PAPLN: variants seen among roughly 807,000 people sequenced by gnomAD.
PAPLN encodes papilin.
In PAPLN, 146 loss-of-function variants were observed where a neutral mutation model predicts 159.0. That is an observed-to-expected ratio of 0.92 (90% CI 0.80 to 1.05). The LOEUF (loss-of-function observed/expected upper bound fraction) is 1.05. Among genes scored for constraint, PAPLN ranks in the 50% least tolerant of loss-of-function variants. The probability of loss-of-function intolerance (pLI) is 0.00; values close to 1 mark genes in which losing one functional copy is unlikely to be tolerated. For missense variants in PAPLN, 1,720 were observed against 1,743.9 expected (o/e 0.99, Z 0.24); for synonymous variants, 734 against 702.9 (o/e 1.04, Z -0.70).
rs768233262 is a variant in PAPLN, at chr14:73,262,487, G to A, written c.2383G>A (p.Ala795Thr). 2 of 1,599,492 alleles carry A rather than the reference G, an allele frequency of 1.3e-6. No homozygotes were observed. Among genetic ancestry groups the A allele is most frequent in the Admixed American group, 3.5e-5 (2 of 57,242 alleles). The change falls in exon 19 of 27, where the codon GCC becomes ACC. Residue 795 changes from alanine to threonine, a missense_variant. Coordinates refer to ENST00000644200, the MANE Select transcript of PAPLN (RefSeq NM_001365906.3). ...CTGCCATGGCAATGCCAATAACTTT[G>A]CCTCGGAGCAAGAGTGCATGAGCAG... ...GGCHGNANNF[A>T]SEQECMSSCQ...
In PAPLN at chr14:73,265,280, A is replaced by G; in HGVS notation, c.3126-90A>G. 11 of 1,515,452 alleles carry G rather than the reference A, an allele frequency of 7.3e-6. No homozygotes were observed. The highest frequency in any genetic ancestry group is 1.4e-5 in the African/African-American group (1 of 72,214). 93.9% of individuals were successfully genotyped at this position (1,515,452 alleles called of 1,614,324 possible). A position where few individuals can be genotyped will look rare whatever the true frequency, so the allele number is the denominator to read the frequency against. ...AGCTGAATCTGGCTGGAGAGGGAGAAGGGGCCACCAGGCTTGTGCAGAGGT... is the reference window on the plus strand; with the variant it reads ...AGCTGAATCTGGCTGGAGAGGGAGAGGGGGCCACCAGGCTTGTGCAGAGGT... On this transcript the variant is annotated intron_variant, in intron 22 of 26. Coordinates refer to ENST00000644200, the MANE Select transcript of PAPLN (RefSeq NM_001365906.3). This position sits in a 1 kb window ranked among gnomAD's most constrained non-coding sequence, Gnocchi z 4.1.
intron 5 of PAPLN, among the ~76,000 whole-genome samples, chr14:73,249,573 C>T (rs772047961): frequency 8.7e-5 from 13 of 149,502 alleles, no homozygotes; most frequent in Non-Finnish European, 1.9e-4. Context: ...ACTAGGGGGG[C>T]TGAGGCAGGA....
At chr14:73,269,522 G>A (rs1174049742) in intron 26 of PAPLN, among the ~76,000 whole-genome samples, 1 of 152,204 alleles carries the variant, frequency 6.6e-6, no homozygotes, top group African/African-American at 2.4e-5. Flanking sequence ...AAACCAACTT[G>A]AGAGATGTGA....
chr14:73,263,196 C>T (rs1886780023), intron 19 of PAPLN: 1 of 309,162 alleles, frequency 3.2e-6, no homozygotes, highest in Non-Finnish European at 5.9e-6. Flanking sequence ...GGTGGCATTA[C>T]CTTCTGCCCT....
chr14:73,244,612 G>A (rs955017390), intron 2 of PAPLN, 32 bp from the exon 3 acceptor site: 8 of 1,521,576 alleles, frequency 5.3e-6, no homozygotes, highest in Non-Finnish European at 6.3e-6. Context: ...CTGTGAGTGG[G>A]CAATGCTGAT....
At chr14:73,264,026 C>T (rs1293277315) in intron 20 of PAPLN, 185 bp from the exon 21 acceptor site, 1 of 1,528,680 alleles carries the variant, frequency 6.5e-7, no homozygotes, top group Non-Finnish European at 8.7e-7. Flanking sequence ...GTGACAGCTC[C>T]CTCCACCTCC....
rs573285020 is a variant in PAPLN at position 73,245,613 on chromosome 14, T to G, written c.171-23T>G. 20 of 1,552,606 alleles carry G rather than the reference T, an allele frequency of 1.3e-5. 1 individual carries two copies. The South Asian group carries it at 2.4e-4, about 18-fold the overall frequency. On this transcript the variant is annotated intron_variant, in intron 3 of 26. Coordinates refer to ENST00000644200, the MANE Select transcript of PAPLN (RefSeq NM_001365906.3). The surrounding 1 kb of genome is among the most constrained non-coding windows in gnomAD (Gnocchi z 4.2). ...AGGGACGTTGGGTCTCGGTCAGGTC[T>G]TCCCGGTGCTCTGGTCCCGCAGGAG...
At chr14:73,261,132 C>T (rs1594816992) in intron 17 of PAPLN, 24 bp from the exon 18 acceptor site, 1 of 1,614,076 alleles carries the variant, frequency 6.2e-7, no homozygotes, top group Non-Finnish European at 8.5e-7. Context: ...CTGCCCACTT[C>T]CCAATCATGG....
intron 23 of PAPLN, among the ~76,000 whole-genome samples, chr14:73,266,227 A>G (rs573453062): frequency 2.1e-4 from 32 of 152,246 alleles, no homozygotes; most frequent in African/African-American, 7.7e-4. Flanking sequence ...AATCCCAGCT[A>G]CTCGGGAGGC....
At chr14:73,259,193 G>A in intron 15 of PAPLN, 76 bp from the exon 16 acceptor site, 6 of 1,523,832 alleles carry the variant, frequency 3.9e-6, no homozygotes, top group Non-Finnish European at 5.3e-6. Flanking sequence ...ACGGAGGAAG[G>A]TGGGTCCAAC....
chr14:73,263,808 C>G (rs766090491), intron 20 of PAPLN, 26 bp downstream of exon 20: 6 of 1,587,914 alleles, frequency 3.8e-6, no homozygotes, highest in South Asian at 2.2e-5. Context: ...CCCACCTCCT[C>G]TGACAGGTGT....
intron 5 of PAPLN, among the ~76,000 whole-genome samples, chr14:73,248,116 T>C (rs1425071033): frequency 1.4e-4 from 17 of 122,194 alleles, no homozygotes; most frequent in South Asian, 2.7e-4. Flanking sequence ...TGCGCGTGTG[T>C]GTGTTGTGGG....
chr14:73,253,878 G>A lies in PAPLN; in HGVS notation c.1219G>A (p.Ala407Thr). The A allele has an allele frequency of 2.5e-6, 4 of 1,613,420 alleles. No individual in the cohort carries two copies. The highest frequency in any genetic ancestry group is 3.4e-6 in the Non-Finnish European group (4 of 1,179,928). Reference sequence around the variant, plus strand: ...GGAGGCCGTGGAGGAGGCTGAGTGTGCCGGGCTGCCTGGGAAGCCCCCTGC... The same window carrying A: ...GGAGGCCGTGGAGGAGGCTGAGTGTACCGGGCTGCCTGGGAAGCCCCCTGC... ...IQEAVEEAEC[A>T]GLPGKPPAIQ... The change falls in exon 12 of 27, where the codon GCC becomes ACC. Residue 407 changes from alanine (A) to threonine (T), a missense_variant. Ala to Thr is a moderately conservative substitution (Grantham distance 58). Transcript: ENST00000644200.
At chr14:73,239,675 C>T in intron 1 of PAPLN, 98 bp from the exon 2 acceptor site, 2 of 1,510,974 alleles carry the variant, frequency 1.3e-6, no homozygotes, top group Non-Finnish European at 1.8e-6. Flanking sequence ...TCCTGGTCAC[C>T]TGTGGGCCAT....
rs758545965 is a variant in PAPLN, at chr14:73,247,520, ATG to A, written c.334+1359_334+1360del. Among the ~76,000 whole-genome samples, 10 of 60,514 alleles carry A rather than the reference ATG, an allele frequency of 1.7e-4. No individual in the cohort carries two copies. The South Asian group carries it at 3.9e-3, about 23-fold the overall frequency. The allele number at this position is 60,514 out of a possible 152,430, so 39.7% of individuals were successfully genotyped here. On this transcript the variant is annotated intron_variant, in intron 5 of 26. Coordinates refer to ENST00000644200, the MANE Select transcript of PAPLN (RefSeq NM_001365906.3). ...CCAGTGGGAGTCTCATATCCTGTGTATGTGTGTGTGTGTGTTGTGGGGATCGT... is the reference window on the plus strand; with the variant it reads ...CCAGTGGGAGTCTCATATCCTGTGTATGTGTGTGTGTGTTGTGGGGATCGT...
At chr14:73,268,070 G>C (rs1373739895) in intron 25 of PAPLN, among the ~76,000 whole-genome samples, 1 of 151,854 alleles carries the variant, frequency 6.6e-6, no homozygotes, top group Non-Finnish European at 1.5e-5. Flanking sequence ...GTGACCTGTA[G>C]TGTCGTTCTG....
At chr14:73,263,890 C>G in intron 20 of PAPLN, 108 bp downstream of exon 20, 1 of 1,230,642 alleles carries the variant, frequency 8.1e-7, no homozygotes, top group Non-Finnish European at 1.1e-6. Flanking sequence ...TGTGACAGAC[C>G]CCCTCCTCCT....
At chr14:73,246,622 C>T (rs1884389299) in intron 5 of PAPLN, among the ~76,000 whole-genome samples, 3 of 143,024 alleles carry the variant, frequency 2.1e-5, no homozygotes, top group Non-Finnish European at 3.1e-5. Context: ...TCCTTTTTTT[C>T]TTTTCCTTTT....
Position 73,239,841 on chromosome 14 carries a change from G to C in PAPLN, c.54+9G>C. Reference sequence around the variant, plus strand: ...CAGCGCCCGGGTCCTCGGTGAGTGCGGTCCTGCCCCGGCCCCCGGAGGAAC... The same window carrying C: ...CAGCGCCCGGGTCCTCGGTGAGTGCCGTCCTGCCCCGGCCCCCGGAGGAAC... On this transcript the variant is annotated intron_variant, in intron 2 of 26. Transcript: ENST00000644200. 1 of 1,580,278 alleles carries C rather than the reference G, an allele frequency of 6.3e-7. No individual in the cohort carries two copies. The highest frequency in any genetic ancestry group is 8.6e-7 in the Non-Finnish European group (1 of 1,169,106).
Sources: gnomAD v4.1 joint callset for allele counts (sites outside exome capture counted in the v4.1 genomes callset) on GRCh38, gnomAD v4.1.1 for gene constraint, Gnocchi (gnomAD v3.1) non-coding constraint, MANE v1.5 for transcripts, NCBI Gene and HGNC (gene_info 2026-07-23, HGNC 2026-07-21) for gene names.